The following LRRC49 variants were observed in gnomAD, a reference collection of about 807,000 sequenced individuals.
LRRC49 encodes the protein leucine-rich repeat-containing protein 49.
A neutral mutation model predicts 83.3 loss-of-function variants in LRRC49; 50 were observed. The ratio of observed to expected loss-of-function variants is 0.60; its 90% CI spans 0.48 to 0.76. LRRC49 has a LOEUF of 0.76. LRRC49 is among the 30% of genes least tolerant of loss of function. LRRC49 has a pLI of 0.00. For synonymous variants in LRRC49, 286 were observed against 283.3 expected (o/e 1.01, Z -0.10); for missense variants, 704 against 809.1 (o/e 0.87, Z 1.58).
intron 8 of LRRC49, 130 bp downstream of exon 8, chr15:70,936,952 A>G (rs563443879): frequency 2.4e-5 from 15 of 623,356 alleles, no homozygotes; most frequent in African/African-American, 2.4e-4. Flanking sequence ...AAATGATAAG[A>G]CAAAGTTCTT....
intron 9 of LRRC49, among the ~76,000 whole-genome samples, chr15:70,972,857 A>G (rs1213268783): frequency 6.6e-6 from 1 of 151,938 alleles, no homozygotes; most frequent in African/African-American, 2.4e-5. Flanking sequence ...GTTCTTCTCT[A>G]AACTGGTTAT....
intron 9 of LRRC49, among the ~76,000 whole-genome samples, chr15:70,975,045 A>G (rs940574703): frequency 2.0e-5 from 3 of 152,234 alleles, no homozygotes; most frequent in Non-Finnish European, 2.9e-5. Flanking sequence ...TTAAAAGTTA[A>G]TATGGCTTAA....
intron 14 of LRRC49, among the ~76,000 whole-genome samples, chr15:71,013,183 A>G (rs1230347570): frequency 6.6e-6 from 1 of 152,172 alleles, no homozygotes; most frequent in East Asian, 1.9e-4. Flanking sequence ...GACTAACCAT[A>G]TTTTGGAATA....
At chr15:71,012,957 C>T in intron 14 of LRRC49, 44 bp downstream of exon 14, 2 of 1,237,822 alleles carry the variant, frequency 1.6e-6, no homozygotes, top group South Asian at 2.5e-5. Flanking sequence ...TACTGTTACA[C>T]TAGAAAAAGA....
At chr15:70,872,910 G>T in exon 2 of LRRC49, 2 of 186,212 alleles carry the variant, frequency 1.1e-5, no homozygotes, top group Non-Finnish European at 1.1e-5. Context: ...TTTTTTAGAT[G>T]GAGTCTCACT....
At chr15:70,933,102 A>T (rs988805946) in intron 7 of LRRC49, among the ~76,000 whole-genome samples, 1 of 152,172 alleles carries the variant, frequency 6.6e-6, no homozygotes, top group Non-Finnish European at 1.5e-5. Context: ...TTTTTCTCAG[A>T]AAACAAATCA....
intron 8 of LRRC49, among the ~76,000 whole-genome samples, chr15:70,937,430 G>A (rs1422747147): frequency 6.6e-6 from 1 of 152,116 alleles, no homozygotes; most frequent in Non-Finnish European, 1.5e-5. Flanking sequence ...CAATGCAAAA[G>A]GGCCCCTACT....
intron 11 of LRRC49, among the ~76,000 whole-genome samples, chr15:70,998,468 T>C (rs965682572): frequency 6.9e-6 from 1 of 144,416 alleles, no homozygotes; most frequent in African/African-American, 2.8e-5. Context: ...GGTTGACAGG[T>C]TTTTTTTTTC....
At chr15:71,003,097 C>A (rs1411482721) in intron 11 of LRRC49, among the ~76,000 whole-genome samples, 1 of 151,736 alleles carries the variant, frequency 6.6e-6, no homozygotes, top group Admixed American at 6.6e-5. Flanking sequence ...ACCACCATGC[C>A]CAGCTAATTT....
intron 14 of LRRC49, 69 bp downstream of exon 14, chr15:71,012,982 A>T: frequency 5.3e-6 from 5 of 938,726 alleles, no homozygotes; most frequent in Non-Finnish European, 8.4e-6. Context: ...AATTCCACAT[A>T]CCTCCTAACT....
chr15:70,909,616 G>A (rs143233685), intron 5 of LRRC49, among the ~76,000 whole-genome samples: 10,082 of 152,092 alleles, frequency 0.066, 449 homozygotes, highest in Middle Eastern at 0.15. Flanking sequence ...TGAGGCAGGC[G>A]GATCACCACG....
At chr15:70,854,412 C>G (rs2032597527) in intron 1 of LRRC49, among the ~76,000 whole-genome samples, 1 of 152,150 alleles carries the variant, frequency 6.6e-6, no homozygotes, top group African/African-American at 2.4e-5. Flanking sequence ...GCTGTGGGGC[C>G]CCAGCCCGAG....
intron 14 of LRRC49, among the ~76,000 whole-genome samples, chr15:71,029,200 T>C (rs558358148): frequency 6.6e-6 from 1 of 152,328 alleles, no homozygotes; most frequent in East Asian, 1.9e-4. Flanking sequence ...AATTTCATTA[T>C]TTACCGAGTA....
intron 11 of LRRC49, among the ~76,000 whole-genome samples, chr15:71,005,348 C>T (rs2038420226): frequency 6.6e-6 from 1 of 151,976 alleles, no homozygotes; most frequent in Non-Finnish European, 1.5e-5. Flanking sequence ...TCACAATAAG[C>T]ACATTATATT....
chr15:70,916,943 C>T (rs760470416), intron 6 of LRRC49, among the ~76,000 whole-genome samples: 6 of 152,176 alleles, frequency 3.9e-5, no homozygotes, highest in South Asian at 2.1e-4. Context: ...CTCACTCTCC[C>T]GACAGGTTCT....
intron 7 of LRRC49, among the ~76,000 whole-genome samples, chr15:70,924,939 G>A (rs531889965): frequency 6.6e-6 from 1 of 151,828 alleles, no homozygotes; most frequent in African/African-American, 2.4e-5. Context: ...TGTGTCTAGG[G>A]TATCTTCTTT....
intron 8 of LRRC49, among the ~76,000 whole-genome samples, chr15:70,952,308 A>G (rs1260609706): frequency 2.0e-5 from 3 of 151,514 alleles, no homozygotes; most frequent in Non-Finnish European, 2.9e-5. Flanking sequence ...CTCCTTCTCA[A>G]TTTTTTGAAA....
At position 70,872,863 on chromosome 15, in the gene LRRC49, A is replaced by G. The variant is rs144760514; in HGVS notation, c.-298-45A>G. 1.0e-3 allele frequency: 226 copies of G among 217,294 alleles called. 1 individual carries two copies. The highest frequency in any genetic ancestry group is 8.4e-3 in the Middle Eastern group (4 of 474). 13.5% of individuals were successfully genotyped at this position (217,294 alleles called of 1,614,324 possible). A position where few individuals can be genotyped will look rare whatever the true frequency, so the allele number is the denominator to read the frequency against. On this transcript the variant is annotated intron_variant, in intron 1 of 16. Coordinates refer to the LRRC49 transcript ENST00000544974. ...GAGAGAAATGGCTCTGGCTCAAAATATCTTATAAACTTGACATAACTTTTT... is the reference window on the plus strand; with the variant it reads ...GAGAGAAATGGCTCTGGCTCAAAATGTCTTATAAACTTGACATAACTTTTT...
intron 10 of LRRC49, among the ~76,000 whole-genome samples, chr15:70,981,926 T>C (rs1256043924): frequency 3.5e-5 from 5 of 140,970 alleles, no homozygotes; most frequent in African/African-American, 5.2e-5. Context: ...CACAGATGCA[T>C]AGAGCCCTTA....
Sources: allele counts gnomAD v4.1 joint callset (sites outside exome capture counted in the v4.1 genomes callset), GRCh38; gene constraint gnomAD v4.1.1; transcripts MANE v1.5; gene names NCBI Gene and HGNC (gene_info 2026-07-23, HGNC 2026-07-21).